The following SHANK2 variants were observed in gnomAD, a reference collection of about 807,000 sequenced individuals.
SHANK2 encodes SH3 and multiple ankyrin repeat domains 2, also known as SH3 and multiple ankyrin repeat domains protein 2.
A neutral mutation model predicts 133.7 loss-of-function variants in SHANK2; 43 were observed. That is an observed-to-expected ratio of 0.32 (90% CI 0.25 to 0.41). The LOEUF (loss-of-function observed/expected upper bound fraction) is 0.41, where lower values mean the gene tolerates loss of function less well. SHANK2 is among the 10% of genes least tolerant of loss of function. The pLI, the probability that SHANK2 is intolerant of heterozygous loss-of-function variation, is 1.00. For missense variants in SHANK2, 1,994 were observed against 2,235.8 expected, an observed-to-expected ratio of 0.89 and a Z score of 2.18; for synonymous variants, 1,017 against 952.8, an observed-to-expected ratio of 1.07 and a Z score of -1.24.
intron 2 of SHANK2, among the ~76,000 whole-genome samples, chr11:71,209,758 G>T (rs1954213468): frequency 6.6e-6 from 1 of 152,304 alleles, no homozygotes; most frequent in East Asian, 1.9e-4. Flanking sequence ...GGAGGTGAGG[G>T]TCTTTGTCCC....
At chr11:70,536,104 CT>C in intron 17 of SHANK2, among the ~76,000 whole-genome samples, 1 of 152,208 alleles carries the variant, frequency 6.6e-6, no homozygotes, top group East Asian at 1.9e-4. Flanking sequence ...TGCCTGCCCC[CT>C]GGGGGCCCTC....
At chr11:70,880,015 C>T (rs540988542) in intron 11 of SHANK2, among the ~76,000 whole-genome samples, 1 of 152,206 alleles carries the variant, frequency 6.6e-6, no homozygotes, top group African/African-American at 2.4e-5. Flanking sequence ...GTGGCCCACT[C>T]AGTGGTAGAT....
At position 70,473,239 on chromosome 11, in the gene SHANK2, G is replaced by T; in HGVS notation, c.5180C>A (p.Ser1727Tyr). ...GGGAGAAGGAGAGGCGGTGGCAGCA[G>T]ACAGGGGGGCGGGCAGGGTCTCTTT... Reference protein sequence around the residue: ...MNKETLPAPLSAATASPSPAL... With the variant: ...MNKETLPAPLYAATASPSPAL... The change falls in exon 26 of 26, where the codon TCT (serine) becomes TAT (tyrosine). Residue 1727 changes from serine to tyrosine, a missense_variant. Coordinates refer to ENST00000601538, the MANE Select transcript of SHANK2 (RefSeq NM_012309.5). The surrounding 1 kb of genome is among the most constrained non-coding windows in gnomAD (Gnocchi z 5.9). 1.9e-6 allele frequency: 3 copies of T among 1,610,524 alleles called. No individual in the cohort carries two copies. Among genetic ancestry groups the T allele is most frequent in the South Asian group, 1.1e-5 (1 of 91,036 alleles).
At chr11:71,157,381 C>G (rs1230305169) in intron 2 of SHANK2, among the ~76,000 whole-genome samples, 2 of 152,138 alleles carry the variant, frequency 1.3e-5, no homozygotes, top group Non-Finnish European at 2.9e-5. Flanking sequence ...ATTGGGGTGT[C>G]CAGGTCTTGA....
chr11:70,637,273 G>A (rs1217323051), intron 17 of SHANK2, among the ~76,000 whole-genome samples: 1 of 152,126 alleles, frequency 6.6e-6, no homozygotes, highest in African/African-American at 2.4e-5. Context: ...GCTCTGTGAG[G>A]GCAGGGCCTG....
At chr11:70,763,056 C>G (rs1269518817) in intron 14 of SHANK2, among the ~76,000 whole-genome samples, 1 of 152,188 alleles carries the variant, frequency 6.6e-6, no homozygotes, top group African/African-American at 2.4e-5. Flanking sequence ...CTTTCCCTGC[C>G]AAGGAGCCTG....
At position 70,621,911 on chromosome 11, in the gene SHANK2, C is replaced by A. The variant is rs534720052; in HGVS notation, c.2061+37917G>T. Among the ~76,000 whole-genome samples the A allele has an allele frequency of 3.3e-5, 5 of 152,268 alleles. No individual in the cohort carries two copies. The East Asian group carries it at 7.7e-4, about 24-fold the overall frequency. On this transcript the variant is annotated intron_variant, in intron 17 of 25. Coordinates refer to ENST00000601538, the MANE Select transcript of SHANK2 (RefSeq NM_012309.5). ...ACATCCCAGCCTGCACACCCCCAGG[C>A]CTGGCCAGCTCTTCTGTCCACACAG...
chr11:70,490,140 G>T, intron 23 of SHANK2, 136 bp downstream of exon 23: 1 of 717,930 alleles, frequency 1.4e-6, no homozygotes, highest in Non-Finnish European at 2.5e-6. Flanking sequence ...CCTCTGGTGG[G>T]TGGGCTGGCA....
chr11:70,535,468 GTCCATCCA>G lies in SHANK2; in HGVS notation c.2062-32545_2062-32538del, dbSNP rs782323185. On this transcript the variant is annotated intron_variant, in intron 17 of 25. Transcript: ENST00000601538. This position sits in a 1 kb window ranked among gnomAD's most constrained non-coding sequence, Gnocchi z 4.3. Reference sequence around the variant, plus strand: ...CATCAGTCCAACCATCAGTCCGTCCGTCCATCCATCCATCCATCCATCCATCCGTCCGT... The same window carrying G: ...CATCAGTCCAACCATCAGTCCGTCCGTCCATCCATCCATCCATCCGTCCGT... Among the ~76,000 whole-genome samples the G allele has an allele frequency of 9.3e-5, 14 of 150,670 alleles. No homozygotes were observed. The highest frequency in any genetic ancestry group is 2.5e-4 in the African/African-American group (10 of 40,418).
chr11:70,487,768 C>T lies in SHANK2; in HGVS notation c.2573-48G>A, dbSNP rs2058833154. On this transcript the variant is annotated intron_variant, in intron 24 of 25. Coordinates refer to ENST00000601538, the MANE Select transcript of SHANK2 (RefSeq NM_012309.5). The surrounding 1 kb of genome is among the most constrained non-coding windows in gnomAD (Gnocchi z 5.8). ...GCTTTAAGTCACAATAGCAACAAAG[C>T]CTAAGTTCCTAGGAACGTGCGATAC... is the stretch of plus-strand genomic sequence containing the variant. 6.5e-7 allele frequency: 1 copy of T among 1,550,190 alleles called. No homozygotes were observed. Among genetic ancestry groups the T allele is most frequent in the African/African-American group, 1.4e-5 (1 of 73,144 alleles).
intron 14 of SHANK2, among the ~76,000 whole-genome samples, chr11:70,753,962 C>T (rs1946810492): frequency 6.6e-6 from 1 of 152,136 alleles, no homozygotes; most frequent in Non-Finnish European, 1.5e-5. Context: ...CAGGCGTGCA[C>T]CACCATGCCT....
Position 71,094,540 on chromosome 11 carries a change from C to T in SHANK2, c.741G>A (p.Leu247=), listed in dbSNP as rs267603170. 2 of 1,549,904 alleles carry T rather than the reference C, an allele frequency of 1.3e-6. No homozygotes were observed. Among genetic ancestry groups the T allele is most frequent in the African/African-American group, 1.4e-5 (1 of 73,122 alleles). ...KAARARNQVA[L]KTLLELGASP... is the part of the protein sequence containing the mutation. Reference sequence around the variant, plus strand: ...AGTAAGATGGGCCCGAGTTTACCTTCAGGGCAACTTGGTTCCTCGCTCGGG... The same window carrying T: ...AGTAAGATGGGCCCGAGTTTACCTTTAGGGCAACTTGGTTCCTCGCTCGGG... The change falls in exon 7 of 26, where the codon CTG becomes CTA. Residue 247 remains leucine, a synonymous_variant. Transcript: ENST00000601538.
chr11:70,487,141 C>T lies in SHANK2; in HGVS notation c.3152G>A (p.Ser1051Asn), dbSNP rs1555154212. The T allele has an allele frequency of 1.2e-6, 2 of 1,612,754 alleles. No homozygotes were observed. Among genetic ancestry groups the T allele is most frequent in the Non-Finnish European group, 1.7e-6 (2 of 1,180,024 alleles). ...GGCCTGGGGGTCGATCTCCATGCTG[C>T]TGCCCTGGCTGCTCTTGCCGCTGCT... is the stretch of plus-strand genomic sequence containing the variant. The part of the protein sequence containing the change: ...TSSSGKSSQG[S>N]SMEIDPQAPE... The change falls in exon 25 of 26, where the codon AGC becomes AAC. Residue 1051 changes from serine (S) to asparagine (N), a missense_variant. This residue lies in a region of SHANK2 where 488 missense variants were observed against 642.6 expected (regional missense o/e 0.76). Transcript: ENST00000601538. This position sits in a 1 kb window ranked among gnomAD's most constrained non-coding sequence, Gnocchi z 5.8.
chr11:70,690,316 A>C (rs1319188069), intron 15 of SHANK2, among the ~76,000 whole-genome samples: 1 of 152,064 alleles, frequency 6.6e-6, no homozygotes, highest in Non-Finnish European at 1.5e-5. Flanking sequence ...TCATGTGAAA[A>C]TCATGATCCT....
intron 17 of SHANK2, among the ~76,000 whole-genome samples, chr11:70,600,189 C>T (rs974559270): frequency 1.3e-4 from 20 of 151,962 alleles, no homozygotes; most frequent in South Asian, 8.3e-4. Flanking sequence ...GAGGCTGAGG[C>T]GGGTGGATCA....
At position 70,500,634 on chromosome 11, in the gene SHANK2, C is replaced by A. The variant is rs377169055; in HGVS notation, c.2288-44G>T. On this transcript the variant is annotated intron_variant, in intron 20 of 25. Coordinates refer to ENST00000601538, the MANE Select transcript of SHANK2 (RefSeq NM_012309.5). The surrounding 1 kb of genome is among the most constrained non-coding windows in gnomAD (Gnocchi z 4.5). ...ACCGCCATGAGCCACCAGGATGCAG[C>A]GCCCGCCCGCAGCCTACACTCGGGC... 19 of 1,585,754 alleles carry A rather than the reference C, an allele frequency of 1.2e-5. No homozygotes were observed. Among genetic ancestry groups the A allele is most frequent in the Non-Finnish European group, 1.5e-5 (18 of 1,166,768 alleles).
In SHANK2 at chr11:70,479,009, A is replaced by G. The variant is rs1555150824; in HGVS notation, c.4980-5570T>C. On this transcript the variant is annotated intron_variant, in intron 25 of 25. Coordinates refer to ENST00000601538, the MANE Select transcript of SHANK2 (RefSeq NM_012309.5). The surrounding 1 kb of genome is among the most constrained non-coding windows in gnomAD (Gnocchi z 4.4). ...GATATGCTTTTGCCAAAAGGGCCTC[A>G]TGTCCAAAATGGGGAGGAAGATTCT... 6.6e-6 allele frequency among the ~76,000 whole-genome samples: 1 copy of G among 152,208 alleles called. No homozygotes were observed. Among genetic ancestry groups the G allele is most frequent in the African/African-American group, 2.4e-5 (1 of 41,448 alleles).
intron 2 of SHANK2, among the ~76,000 whole-genome samples, chr11:71,209,493 G>GTCGTGCCTCCTCTCAGAATC (rs1954206222): frequency 6.6e-6 from 1 of 152,106 alleles, no homozygotes; most frequent in African/African-American, 2.4e-5. Flanking sequence ...CTTTGCATAG[G>GTCGTGCCTCCTCTCAGAATC]TCGTGCCTCC....
chr11:71,062,864 G>A (rs1390232438), intron 9 of SHANK2, among the ~76,000 whole-genome samples: 3 of 151,998 alleles, frequency 2.0e-5, no homozygotes, highest in Non-Finnish European at 2.9e-5. Flanking sequence ...AGGAGCGGTG[G>A]TGCGTGCCTG....
Sources: gnomAD v4.1 joint callset for allele counts (sites outside exome capture counted in the v4.1 genomes callset) on GRCh38, gnomAD v4.1.1 for gene constraint, gnomAD v4.1.1 regional missense constraint, Gnocchi (gnomAD v3.1) non-coding constraint, MANE v1.5 for transcripts, NCBI Gene and HGNC (gene_info 2026-07-23, HGNC 2026-07-21) for gene names.